Variants in SETDB1 observed in about 807,000 individuals in gnomAD.
SETDB1 encodes histone-lysine N-methyltransferase SETDB1.
SETDB1 carries 31 observed loss-of-function variants against 137.4 expected under a neutral mutation model. The ratio of observed to expected loss-of-function variants is 0.23; its 90% CI spans 0.17 to 0.30. The LOEUF (loss-of-function observed/expected upper bound fraction) is 0.30. SETDB1 is among the 10% of genes least tolerant of loss of function. The pLI is 1.00. For missense variants in SETDB1, 1,113 were observed against 1,631.5 expected, an observed-to-expected ratio of 0.68 and a Z score of 5.47; for synonymous variants, 548 against 579.9, an observed-to-expected ratio of 0.95 and a Z score of 0.79.
chr1:150,933,017 GA>G (rs1669811914), intron 3 of SETDB1, among the ~76,000 whole-genome samples: 1 of 151,766 alleles, frequency 6.6e-6, no homozygotes, highest in African/African-American at 2.4e-5. Flanking sequence ...TGTGTTCAGA[GA>G]ATATACTTTG....
Position 150,950,581 on chromosome 1 carries a change from G to A in SETDB1, c.1707G>A (p.Met569Ile). ...APAEPSYRAP[M>I]EKLFYLPHVC... is the part of the protein sequence containing the mutation. Reference sequence around the variant, plus strand: ...CAGAGCCCTCCTACCGTGCTCCCATGGAGAAGCTTTTCTACTTACCTCATG... The same window carrying A: ...CAGAGCCCTCCTACCGTGCTCCCATAGAGAAGCTTTTCTACTTACCTCATG... Residue 569 changes from methionine to isoleucine, a missense_variant, in exon 13 of 22, where the codon ATG becomes ATA. Physicochemically the swap from Met to Ile is conservative, Grantham distance 10. Transcript: ENST00000692827. 1 of 1,614,174 alleles carries A rather than the reference G, an allele frequency of 6.2e-7. No homozygotes were observed. Among genetic ancestry groups the A allele is most frequent in the Non-Finnish European group, 8.5e-7 (1 of 1,180,044 alleles).
intron 10 of SETDB1, among the ~76,000 whole-genome samples, chr1:150,948,270 A>T (rs1571646741): frequency 1.5e-5 from 2 of 135,888 alleles, no homozygotes; most frequent in South Asian, 2.4e-4. Context: ...CAGAGTAGCA[A>T]TTTTTTTTTT....
At chr1:150,929,885 A>AAT (rs1669670529) in intron 2 of SETDB1, 82 bp from the exon 3 acceptor site, 1 of 1,168,506 alleles carries the variant, frequency 8.6e-7, no homozygotes, top group African/African-American at 1.5e-5. Flanking sequence ...TCTATACTTA[A>AAT]ATATATATAC....
chr1:150,928,389 C>T (rs1029625538), intron 2 of SETDB1, among the ~76,000 whole-genome samples: 13 of 152,192 alleles, frequency 8.5e-5, no homozygotes, highest in African/African-American at 3.1e-4. Flanking sequence ...TTTCATCTGT[C>T]AGCAGCTAAT....
chr1:150,932,256 A>T (rs1179999384), intron 3 of SETDB1, among the ~76,000 whole-genome samples: 1 of 151,416 alleles, frequency 6.6e-6, no homozygotes, highest in Non-Finnish European at 1.5e-5. Flanking sequence ...AAAGAAAAAA[A>T]TTTTTACATC....
At chr1:150,949,000 A>C in intron 10 of SETDB1, 122 bp from the exon 11 acceptor site, 5 of 1,013,382 alleles carry the variant, frequency 4.9e-6, no homozygotes, top group South Asian at 1.7e-5. Flanking sequence ...ATTACAGGCA[A>C]GAGCCACTGC....
At chr1:150,928,137 A>G (rs894227948) in intron 2 of SETDB1, 163 bp downstream of exon 2, 12 of 728,070 alleles carry the variant, frequency 1.6e-5, no homozygotes, top group African/African-American at 5.4e-5. Context: ...GGCTCACTGC[A>G]ACCTCCACCT....
chr1:150,934,364 T>G (rs587765487), intron 3 of SETDB1, among the ~76,000 whole-genome samples: 27 of 151,998 alleles, frequency 1.8e-4, no homozygotes, highest in African/African-American at 6.5e-4. Context: ...TCCCAGCTAC[T>G]TGGGAGGCTG....
chr1:150,933,321 A>G (rs1484446627), intron 3 of SETDB1, among the ~76,000 whole-genome samples: 1 of 149,816 alleles, frequency 6.7e-6, no homozygotes, highest in Non-Finnish European at 1.5e-5. Flanking sequence ...TGGCCTCCCA[A>G]GGTGCTGGGA....
At chr1:150,958,254 C>CT (rs374122454) in intron 14 of SETDB1, among the ~76,000 whole-genome samples, 36,193 of 94,212 alleles carry the variant, frequency 0.38, 6,601 homozygotes, top group South Asian at 0.54. Flanking sequence ...TTTCTTTTTT[C>CT]TTTTTTTTTT....
At chr1:150,947,611 C>T (rs1433381553) in intron 10 of SETDB1, among the ~76,000 whole-genome samples, 2 of 151,752 alleles carry the variant, frequency 1.3e-5, no homozygotes, top group African/African-American at 2.4e-5. Context: ...CCTGTTTCTA[C>T]AAAAAAACAC....
intron 15 of SETDB1, 137 bp downstream of exon 15, chr1:150,959,484 A>T: frequency 1.4e-6 from 1 of 693,806 alleles, no homozygotes; most frequent in East Asian, 2.7e-5. Context: ...TCTACAAAGA[A>T]CGTGATGAGT....
Position 150,950,752 on chromosome 1 carries a change from T to A in SETDB1, c.1878T>A (p.Val626=). ...TTAACCGCAAGATGGGCTTTCATGTTATCTATAAGACACCTTGTGGTCTCT... is the reference window on the plus strand; with the variant it reads ...TTAACCGCAAGATGGGCTTTCATGTAATCTATAAGACACCTTGTGGTCTCT... ...RRVNRKMGFH[V]IYKTPCGLCL... The change falls in exon 13 of 22, where the codon GTT becomes GTA. Residue 626 remains valine (V), a synonymous_variant. Coordinates refer to ENST00000692827, the MANE Select transcript of SETDB1 (RefSeq NM_001366418.1). The A allele has an allele frequency of 6.2e-7, 1 of 1,614,246 alleles. No homozygotes were observed. The highest frequency in any genetic ancestry group is 8.5e-7 in the Non-Finnish European group (1 of 1,180,050).
intron 15 of SETDB1, 99 bp downstream of exon 15, chr1:150,959,446 G>T: frequency 9.9e-7 from 1 of 1,005,342 alleles, no homozygotes. Context: ...CTTGACATGT[G>T]AACTGGAGTA....
In SETDB1 at chr1:150,950,845, G is replaced by T; in HGVS notation, c.1971G>T (p.Glu657Asp). ...CTGGCTGTGACTTCCTCTTCCTGGA[G>T]ATGTTCTGTTTGGATCCATATGTTC... Reference protein sequence around the residue: ...FETGCDFLFLEMFCLDPYVLV... With the variant: ...FETGCDFLFLDMFCLDPYVLV... Residue 657 changes from glutamate (E) to aspartate (D), a missense_variant, in exon 13 of 22, where the codon GAG becomes GAT. Transcript: ENST00000692827. 6.2e-7 allele frequency: 1 copy of T among 1,614,146 alleles called. No homozygotes were observed. Among genetic ancestry groups the T allele is most frequent in the Non-Finnish European group, 8.5e-7 (1 of 1,180,036 alleles).
At chr1:150,951,710 T>G (rs1670494459) in intron 14 of SETDB1, among the ~76,000 whole-genome samples, 1 of 152,178 alleles carries the variant, frequency 6.6e-6, no homozygotes, top group Admixed American at 6.5e-5. Flanking sequence ...CTAGCAATTT[T>G]CTGTTGCAAA....
intron 3 of SETDB1, among the ~76,000 whole-genome samples, chr1:150,931,786 A>G (rs1209052433): frequency 6.7e-6 from 1 of 148,944 alleles, no homozygotes; most frequent in Non-Finnish European, 1.5e-5. Flanking sequence ...ATATGAAAGC[A>G]TTTGGTGTTT....
chr1:150,949,715 G>T (rs781405264), intron 12 of SETDB1, among the ~76,000 whole-genome samples, 190 bp downstream of exon 12: 6 of 152,132 alleles, frequency 3.9e-5, no homozygotes, highest in Admixed American at 6.6e-5. Flanking sequence ...TTGGAAGCTG[G>T]GTGCTTGGAA....
chr1:150,963,906 G>A lies in SETDB1; in HGVS notation c.3673-89G>A. ...TCTATTATAATGGGGAGGGTCAGAT[G>A]GCATCATTTTTCTTCCAACTCTCAC... On this transcript the variant is annotated intron_variant, in intron 20 of 21. Coordinates refer to ENST00000692827, the MANE Select transcript of SETDB1 (RefSeq NM_001366418.1). 3.0e-6 allele frequency: 4 copies of A among 1,331,266 alleles called. No individual in the cohort carries two copies. In the South Asian group the frequency reaches 3.5e-5, roughly 12 times the overall value. The allele number at this position is 1,331,266 out of a possible 1,614,324, so 82.5% of individuals were successfully genotyped here. A position where few individuals can be genotyped will look rare whatever the true frequency, so the allele number is the denominator to read the frequency against.
Sources: allele counts gnomAD v4.1 joint callset (sites outside exome capture counted in the v4.1 genomes callset), GRCh38; gene constraint gnomAD v4.1.1; transcripts MANE v1.5; gene names NCBI Gene and HGNC (gene_info 2026-07-23, HGNC 2026-07-21).